STARD13: variants seen among roughly 807,000 people sequenced by gnomAD.
STARD13 encodes StAR related lipid transfer domain containing 13.
In STARD13, 62 loss-of-function variants were observed where a neutral mutation model predicts 106.4. The ratio of observed to expected loss-of-function variants is 0.58; its 90% CI spans 0.48 to 0.72. STARD13 has a LOEUF of 0.72. Ranked by LOEUF, STARD13 falls within the 30% of genes least tolerant of loss-of-function variation. STARD13 has a pLI of 0.00. For missense variants in STARD13, 1,387 were observed against 1,424.0 expected (o/e 0.97, Z 0.42); for synonymous variants, 565 against 553.0 (o/e 1.02, Z -0.31).
chr13:33,106,019 C>T (rs1373227917), intron 13 of STARD13, among the ~76,000 whole-genome samples: 1 of 152,204 alleles, frequency 6.6e-6, no homozygotes, highest in Admixed American at 6.5e-5. Flanking sequence ...TTTGTCTACC[C>T]AGACCAAGAA....
chr13:33,600,920 A>G, the STARD13 span, among the ~76,000 whole-genome samples: 1 of 152,154 alleles, frequency 6.6e-6, no homozygotes, highest in Non-Finnish European at 1.5e-5. Context: ...TCTCCTACGT[A>G]CTATGGTATG....
chr13:33,186,592 G>T (rs1385073912), intron 1 of STARD13, among the ~76,000 whole-genome samples: 1 of 152,160 alleles, frequency 6.6e-6, no homozygotes, highest in East Asian at 1.9e-4. Flanking sequence ...AGGTACTAAG[G>T]TTCGTGATCT....
the STARD13 span, among the ~76,000 whole-genome samples, chr13:33,622,552 T>C: frequency 7.8e-6 from 1 of 128,092 alleles, no homozygotes; most frequent in African/African-American, 3.0e-5. Context: ...CGCAGGAGAA[T>C]GGCGTGAACC....
chr13:33,433,371 G>T, the STARD13 span, among the ~76,000 whole-genome samples: 3 of 152,186 alleles, frequency 2.0e-5, no homozygotes, highest in Non-Finnish European at 4.4e-5. Flanking sequence ...TTCAGGTCTA[G>T]CTTCCTTCAA....
chr13:33,628,148 A>AACACACACAC, the STARD13 span, among the ~76,000 whole-genome samples: 311 of 133,426 alleles, frequency 2.3e-3, no homozygotes, highest in African/African-American at 3.3e-3. Flanking sequence ...TCTCTTGTAA[A>AACACACACAC]ACACACACAC....
intron 1 of STARD13, among the ~76,000 whole-genome samples, chr13:33,257,505 A>C (rs1890426174): frequency 1.3e-5 from 2 of 152,254 alleles, no homozygotes; most frequent in Non-Finnish European, 2.9e-5. Flanking sequence ...TATGAATGAC[A>C]TCACAGCAGC....
chr13:33,372,042 AC>A, the STARD13 span, among the ~76,000 whole-genome samples: 1 of 152,352 alleles, frequency 6.6e-6, no homozygotes, highest in South Asian at 2.1e-4. Flanking sequence ...TTCATGTGTA[AC>A]CCCTTTTAAT....
chr13:33,122,771 T>A (rs1034398431), intron 7 of STARD13, among the ~76,000 whole-genome samples: 2 of 152,130 alleles, frequency 1.3e-5, no homozygotes, highest in Non-Finnish European at 2.9e-5. Context: ...AAGCAAGGAC[T>A]CAGCTGGGCA....
chr13:33,629,479 A>T, the STARD13 span, among the ~76,000 whole-genome samples: 1 of 152,228 alleles, frequency 6.6e-6, no homozygotes, highest in African/African-American at 2.4e-5. Context: ...AGATAGAGCC[A>T]AATTTGTGGC....
chr13:33,618,762 G>A, the STARD13 span, among the ~76,000 whole-genome samples: 16 of 151,948 alleles, frequency 1.1e-4, no homozygotes, highest in African/African-American at 2.9e-4. Context: ...TCTTGTTGGG[G>A]GCATGTTTTG....
At chr13:33,543,243 AG>A in the STARD13 span, among the ~76,000 whole-genome samples, 1 of 152,150 alleles carries the variant, frequency 6.6e-6, no homozygotes, top group Non-Finnish European at 1.5e-5. Context: ...CTGCTGTAAA[AG>A]CTTTTGTTTC....
chr13:33,310,481 T>TAA (rs1893089641), intron 1 of STARD13, among the ~76,000 whole-genome samples: 1 of 152,120 alleles, frequency 6.6e-6, no homozygotes, highest in Non-Finnish European at 1.5e-5. Flanking sequence ...GGAAGGTTAA[T>TAA]AAAACACTGC....
At chr13:33,460,601 C>T in the STARD13 span, among the ~76,000 whole-genome samples, 181 of 151,992 alleles carry the variant, frequency 1.2e-3, 3 homozygotes, top group South Asian at 0.03. Context: ...CAATGTTTCC[C>T]GCTTATTTTT....
the STARD13 span, among the ~76,000 whole-genome samples, chr13:33,576,349 A>G: frequency 1.3e-5 from 2 of 151,966 alleles, no homozygotes; most frequent in African/African-American, 4.8e-5. Context: ...CAGACTCCCA[A>G]GTAGCTGGGA....
intron 1 of STARD13, among the ~76,000 whole-genome samples, chr13:33,240,113 T>G (rs1218790141): frequency 6.6e-6 from 1 of 152,206 alleles, no homozygotes; most frequent in Non-Finnish European, 1.5e-5. Flanking sequence ...TATGTAAATA[T>G]CCAGTTTTCC....
chr13:33,529,902 G>T, the STARD13 span, among the ~76,000 whole-genome samples: 1 of 152,064 alleles, frequency 6.6e-6, no homozygotes. Context: ...AAGGTAAATG[G>T]GGAACCCCGG....
chr13:33,590,356 C>A, the STARD13 span, among the ~76,000 whole-genome samples: 2 of 152,076 alleles, frequency 1.3e-5, no homozygotes, highest in East Asian at 1.9e-4. Flanking sequence ...TGGGTATATA[C>A]CCCAAGGATT....
chr13:33,383,070 A>T, the STARD13 span, among the ~76,000 whole-genome samples: 1 of 152,226 alleles, frequency 6.6e-6, no homozygotes, highest in Admixed American at 6.5e-5. Flanking sequence ...TTATAAATTG[A>T]AAAATGAAAT....
intron 1 of STARD13, among the ~76,000 whole-genome samples, chr13:33,297,136 G>T (rs1892526356): frequency 6.6e-6 from 1 of 152,192 alleles, no homozygotes. Flanking sequence ...TATCTTTACA[G>T]CGTGATGCTT....
Sources: gnomAD v4.1 joint callset for allele counts (sites outside exome capture counted in the v4.1 genomes callset) on GRCh38, gnomAD v4.1.1 for gene constraint, MANE v1.5 for transcripts, NCBI Gene and HGNC (gene_info 2026-07-23, HGNC 2026-07-21) for gene names.